The following LRRC4C variants were observed in gnomAD, a reference collection of about 807,000 sequenced individuals.
LRRC4C encodes the protein leucine rich repeat containing 4C.
Under a neutral mutation model 33.6 loss-of-function variants are expected in LRRC4C, and 5 were observed. The observed-to-expected ratio is 0.15, with a 90% CI of 0.08 to 0.31. LRRC4C has a LOEUF of 0.31. Among genes scored for constraint, LRRC4C ranks in the 10% least tolerant of loss-of-function variants. The pLI is 1.00. For missense variants in LRRC4C, 560 were observed against 796.7 expected (o/e 0.70, Z 3.58); for synonymous variants, 329 against 302.0 (o/e 1.09, Z -0.93).
chr11:40,212,329 GA>G (rs1863661341), intron 5 of LRRC4C, among the ~76,000 whole-genome samples: 2 of 152,086 alleles, frequency 1.3e-5, no homozygotes, highest in Admixed American at 1.3e-4. Context: ...CAGTGGCTCT[GA>G]AAAACAAACT....
intron 1 of LRRC4C, among the ~76,000 whole-genome samples, chr11:41,147,549 C>A (rs1421239107): frequency 2.6e-5 from 4 of 152,156 alleles, no homozygotes; most frequent in Admixed American, 6.5e-5. Context: ...AGAGACATGA[C>A]CTTTCAAGCT....
chr11:41,232,780 ACACG>A (rs934742090), intron 1 of LRRC4C, among the ~76,000 whole-genome samples: 1 of 150,192 alleles, frequency 6.7e-6, no homozygotes, highest in Non-Finnish European at 1.5e-5. Flanking sequence ...ACACACACAC[ACACG>A]TCATAGTGAA....
intron 1 of LRRC4C, among the ~76,000 whole-genome samples, chr11:41,304,180 C>T (rs1300027851): frequency 9.8e-6 from 1 of 101,902 alleles, no homozygotes; most frequent in Admixed American, 1.0e-4. Flanking sequence ...GTGGGGGGGT[C>T]AGCCCCCCGC....
intron 4 of LRRC4C, among the ~76,000 whole-genome samples, chr11:40,283,773 C>T (rs141479450): frequency 0.024 from 3,010 of 126,752 alleles, 60 homozygotes; most frequent in South Asian, 0.08. Context: ...GGCGTGATTT[C>T]GGCTCACCAC....
chr11:40,991,895 A>G (rs933713002), intron 1 of LRRC4C, among the ~76,000 whole-genome samples: 16 of 152,048 alleles, frequency 1.1e-4, no homozygotes, highest in African/African-American at 3.6e-4. Context: ...CTGCTGTGCA[A>G]CCCAGTTCCT....
At chr11:40,133,197 G>A (rs1160209585) in intron 6 of LRRC4C, among the ~76,000 whole-genome samples, 1 of 152,132 alleles carries the variant, frequency 6.6e-6, no homozygotes, top group East Asian at 1.9e-4. Flanking sequence ...AATGCTCTGT[G>A]CTAAGGTCAC....
At chr11:40,124,889 G>A (rs1477063702) in intron 6 of LRRC4C, among the ~76,000 whole-genome samples, 1 of 152,030 alleles carries the variant, frequency 6.6e-6, no homozygotes, top group Non-Finnish European at 1.5e-5. Flanking sequence ...CGCATTGTAT[G>A]CCTGTATCAA....
intron 3 of LRRC4C, among the ~76,000 whole-genome samples, chr11:40,597,794 G>T: frequency 6.6e-6 from 1 of 152,080 alleles, no homozygotes; most frequent in Non-Finnish European, 1.5e-5. Context: ...CGTTGACATC[G>T]CAGTCAGCCC....
intron 1 of LRRC4C, among the ~76,000 whole-genome samples, chr11:41,261,343 TAA>T (rs971161760): frequency 3.3e-5 from 5 of 152,118 alleles, no homozygotes; most frequent in African/African-American, 1.2e-4. Context: ...TTATTATTTA[TAA>T]ATGACCCAGT....
chr11:40,761,771 G>T (rs1228045999), intron 2 of LRRC4C, among the ~76,000 whole-genome samples: 1 of 152,088 alleles, frequency 6.6e-6, no homozygotes, highest in East Asian at 1.9e-4. Flanking sequence ...GTATCTTAAG[G>T]TGAGGCATCA....
intron 1 of LRRC4C, among the ~76,000 whole-genome samples, chr11:41,176,803 A>T (rs1945218935): frequency 6.6e-6 from 1 of 151,990 alleles, no homozygotes; most frequent in Admixed American, 6.6e-5. Context: ...TCTCTACTAA[A>T]ATACAAAAGA....
At chr11:40,895,967 C>T (rs182262431) in intron 2 of LRRC4C, among the ~76,000 whole-genome samples, 2 of 152,192 alleles carry the variant, frequency 1.3e-5, no homozygotes, top group Admixed American at 6.5e-5. Flanking sequence ...TGAAGAAAGG[C>T]ATAAAATCTC....
chr11:40,367,098 T>C (rs1445200264), intron 3 of LRRC4C, among the ~76,000 whole-genome samples: 1 of 152,124 alleles, frequency 6.6e-6, no homozygotes, highest in Non-Finnish European at 1.5e-5. Flanking sequence ...CCTCATTATA[T>C]ATTTTATCTC....
chr11:40,760,907 T>A (rs1473626323), intron 2 of LRRC4C, among the ~76,000 whole-genome samples: 1 of 147,496 alleles, frequency 6.8e-6, no homozygotes, highest in Non-Finnish European at 1.5e-5. Flanking sequence ...ATATATTATA[T>A]ATTTTTTTTG....
At chr11:40,508,647 T>C (rs1955156435) in intron 3 of LRRC4C, among the ~76,000 whole-genome samples, 1 of 152,154 alleles carries the variant, frequency 6.6e-6, no homozygotes, top group South Asian at 2.1e-4. Context: ...ATTAAAATAT[T>C]CACCTAAATT....
intron 5 of LRRC4C, among the ~76,000 whole-genome samples, chr11:40,173,348 G>A (rs1185499788): frequency 1.3e-5 from 2 of 152,288 alleles, no homozygotes; most frequent in East Asian, 3.9e-4. Flanking sequence ...AACTCCCCAA[G>A]AGGCAAAGAC....
chr11:40,458,296 T>A (rs1411930154), intron 3 of LRRC4C, among the ~76,000 whole-genome samples: 2 of 152,150 alleles, frequency 1.3e-5, no homozygotes, highest in African/African-American at 4.8e-5. Context: ...CGTATAATCA[T>A]AGTAAGTCTG....
chr11:40,615,489 C>A (rs1961713870), intron 3 of LRRC4C, among the ~76,000 whole-genome samples: 2 of 151,462 alleles, frequency 1.3e-5, no homozygotes, highest in African/African-American at 4.8e-5. Flanking sequence ...CTATTTGCTT[C>A]ATCACAGTCC....
intron 1 of LRRC4C, among the ~76,000 whole-genome samples, chr11:41,069,171 C>T (rs1938492956): frequency 6.6e-6 from 1 of 152,158 alleles, no homozygotes; most frequent in African/African-American, 2.4e-5. Flanking sequence ...ACAAAAAACA[C>T]TTGATTATTC....
Sources: gnomAD v4.1 joint callset for allele counts (sites outside exome capture counted in the v4.1 genomes callset) on GRCh38, gnomAD v4.1.1 for gene constraint, MANE v1.5 for transcripts, NCBI Gene and HGNC (gene_info 2026-07-23, HGNC 2026-07-21) for gene names.